ZNF492: variants seen among roughly 807,000 people sequenced by gnomAD.
ZNF492 encodes the protein zinc finger protein 492.
Under a neutral mutation model 6.4 loss-of-function variants are expected in ZNF492, and 3 were observed. That is an observed-to-expected ratio of 0.47 (90% CI 0.21 to 1.22). The LOEUF (loss-of-function observed/expected upper bound fraction) is 1.22, where lower values mean the gene tolerates loss of function less well. Among genes scored for constraint, ZNF492 ranks in the 50% most tolerant of loss-of-function variants. ZNF492 has a pLI of 0.22. For synonymous variants in ZNF492, 112 were observed against 205.3 expected (o/e 0.55, Z 3.89); for missense variants, 356 against 612.5 (o/e 0.58, Z 4.42).
intron 3 of ZNF492, among the ~76,000 whole-genome samples, chr19:22,656,368 G>C (rs1379112256): frequency 2.0e-5 from 3 of 151,432 alleles, no homozygotes; most frequent in Non-Finnish European, 2.9e-5. Context: ...GCAGACGCTA[G>C]GGCAGATTTC....
intron 1 of ZNF492, among the ~76,000 whole-genome samples, chr19:22,645,535 T>C (rs1971869359): frequency 6.6e-6 from 1 of 152,196 alleles, no homozygotes. Flanking sequence ...TTAGCTCTTA[T>C]TTGTCAATTT....
rs760041910 is a variant in ZNF492, at chr19:22,655,813, G to GTTTTTTTT, written c.130+1800_130+1801insTTTTTTTT. On this transcript the variant is annotated intron_variant, in intron 3 of 3. Coordinates refer to ENST00000456783, the MANE Select transcript of ZNF492 (RefSeq NM_020855.3). ...GCAAACACCTCTTCAAGTTTTTCTT[G>GTTTTTTTT]TTGTTTTTTTTTTTTTTTTTTTTTT... Among the ~76,000 whole-genome samples, 34 of 64,892 alleles carry GTTTTTTTT rather than the reference G, an allele frequency of 5.2e-4. 8 individuals carry two copies. The highest frequency in any genetic ancestry group is 1.9e-3 in the African/African-American group (24 of 12,892). 42.6% of individuals were successfully genotyped at this position (64,892 alleles called of 152,430 possible).
intron 1 of ZNF492, among the ~76,000 whole-genome samples, chr19:22,650,248 A>T (rs1037130271): frequency 4.6e-5 from 7 of 151,940 alleles, no homozygotes; most frequent in Admixed American, 2.0e-4. Context: ...GAACCTGGAG[A>T]TATTAAGGAG....
chr19:22,634,355 T>TC lies in ZNF492; in HGVS notation c.-212dup. On this transcript the variant is annotated 5_prime_UTR_variant, in exon 1 of 4. An upstream open reading frame in the 5' UTR loses its in-frame stop. Coordinates refer to ENST00000456783, the MANE Select transcript of ZNF492 (RefSeq NM_020855.3). ...GTCTCTCGCTGCAGTCGGAGTATGG[T>TC]CTAGTGTTCGCTGTTCTGCGTCCTC... The TC allele has an allele frequency of 9.2e-7, 1 of 1,091,512 alleles. No homozygotes were observed. The highest frequency in any genetic ancestry group is 1.3e-6 in the Non-Finnish European group (1 of 741,886). The allele number at this position is 1,091,512 out of a possible 1,614,324, so 67.6% of individuals were successfully genotyped here.
intron 3 of ZNF492, among the ~76,000 whole-genome samples, chr19:22,654,818 T>C (rs1471797330): frequency 6.7e-6 from 1 of 150,276 alleles, no homozygotes; most frequent in Non-Finnish European, 1.5e-5. Flanking sequence ...GCCAGGCTGG[T>C]CTCGAACTCC....
rs1394986698 is a variant in ZNF492, at chr19:22,638,930, C to T, written c.-94+4456C>T. ...CGATTTCGGCTCACTGCAACCTCTG[C>T]CTCCCGGGTTCAAGCAATTCTCTCC... On this transcript the variant is annotated intron_variant, in intron 1 of 3. Coordinates refer to ENST00000456783, the MANE Select transcript of ZNF492 (RefSeq NM_020855.3). Among the ~76,000 whole-genome samples, 5 of 152,060 alleles carry T rather than the reference C, an allele frequency of 3.3e-5. No homozygotes were observed. In the East Asian group the frequency reaches 9.7e-4, roughly 29 times the overall value.
chr19:22,654,078 A>G, intron 3 of ZNF492, 63 bp downstream of exon 3: 3 of 1,476,226 alleles, frequency 2.0e-6, no homozygotes, highest in Non-Finnish European at 2.7e-6. Flanking sequence ...GTAGAAAAAA[A>G]AAAAAGCCAG....
At chr19:22,659,967 A>G (rs1173998693) in intron 3 of ZNF492, among the ~76,000 whole-genome samples, 1 of 152,098 alleles carries the variant, frequency 6.6e-6, no homozygotes, top group Admixed American at 6.6e-5. Context: ...TGCCCAGCCT[A>G]AATCTGTAAG....
At position 22,664,569 on chromosome 19, in the gene ZNF492, G is replaced by C. The variant is rs772220571; in HGVS notation, c.900G>C (p.Lys300Asn). 1.9e-6 allele frequency: 3 copies of C among 1,605,162 alleles called. No individual in the cohort carries two copies. Among genetic ancestry groups the C allele is most frequent in the Admixed American group, 3.4e-5 (2 of 58,456 alleles). ...AGTCCTCAACCCTTACTACACATAA[G>C]ATAATTCATACTGGAGAGAAATTCT... is the stretch of plus-strand genomic sequence containing the variant. Reference protein sequence around the residue: ...FSQSSTLTTHKIIHTGEKFYK... With the variant: ...FSQSSTLTTHNIIHTGEKFYK... Residue 300 changes from lysine (K) to asparagine (N), a missense_variant, in exon 4 of 4, where the codon AAG (lysine) becomes AAC (asparagine). Physicochemically the swap from Lys to Asn is moderately conservative, Grantham distance 94. This residue lies in a region of ZNF492 where 29 missense variants were observed against 56.8 expected (regional missense o/e 0.51). Coordinates refer to ENST00000456783, the MANE Select transcript of ZNF492 (RefSeq NM_020855.3).
At chr19:22,661,072 T>G (rs1298531692) in intron 3 of ZNF492, among the ~76,000 whole-genome samples, 1 of 152,152 alleles carries the variant, frequency 6.6e-6, no homozygotes, top group Non-Finnish European at 1.5e-5. Flanking sequence ...TTGTCTTTGA[T>G]TTTTGAAAAT....
At chr19:22,650,139 T>C (rs1244128226) in intron 1 of ZNF492, among the ~76,000 whole-genome samples, 1 of 152,188 alleles carries the variant, frequency 6.6e-6, no homozygotes, top group Non-Finnish European at 1.5e-5. Context: ...TGTTGTTCAT[T>C]TCTGTTTGTT....
intron 1 of ZNF492, among the ~76,000 whole-genome samples, chr19:22,646,827 T>G (rs1971882039): frequency 6.6e-6 from 1 of 151,770 alleles, no homozygotes; most frequent in South Asian, 2.1e-4. Flanking sequence ...GTTTATTGAT[T>G]TGCATATGTT....
intron 1 of ZNF492, among the ~76,000 whole-genome samples, chr19:22,636,451 C>T (rs1469245516): frequency 2.7e-5 from 4 of 150,280 alleles, no homozygotes; most frequent in African/African-American, 9.9e-5. Context: ...CGTTAGTTTT[C>T]TAAGAATAGT....
At chr19:22,651,106 G>A (rs937461068) in intron 1 of ZNF492, among the ~76,000 whole-genome samples, 8 of 152,038 alleles carry the variant, frequency 5.3e-5, no homozygotes, top group African/African-American at 1.9e-4. Context: ...TGGTTTTGTC[G>A]GCTAAGTAGC....
At chr19:22,661,998 C>CT (rs937857518) in intron 3 of ZNF492, among the ~76,000 whole-genome samples, 1 of 152,116 alleles carries the variant, frequency 6.6e-6, no homozygotes, top group African/African-American at 2.4e-5. Flanking sequence ...TTTCATTATA[C>CT]TTTAAGTCCT....
At position 22,639,065 on chromosome 19, in the gene ZNF492, C is replaced by T. The variant is rs371545109; in HGVS notation, c.-94+4591C>T. ...CCGTGTTGGCCAGGCTGGTCTTCAA[C>T]TCCTGACCTCGTGATCCACCTGCCT... is the stretch of plus-strand genomic sequence containing the variant. On this transcript the variant is annotated intron_variant, in intron 1 of 3. Coordinates refer to ENST00000456783, the MANE Select transcript of ZNF492 (RefSeq NM_020855.3). Among the ~76,000 whole-genome samples, 130 of 152,176 alleles carry T rather than the reference C, an allele frequency of 8.5e-4. 1 individual carries two copies. The highest frequency in any genetic ancestry group is 2.9e-3 in the African/African-American group (120 of 41,554).
chr19:22,657,202 A>C (rs56310711), intron 3 of ZNF492, among the ~76,000 whole-genome samples: 12,019 of 152,170 alleles, frequency 0.079, 1,606 homozygotes, highest in African/African-American at 0.27. Flanking sequence ...AAATATAGAC[A>C]GGCAAAAAAA....
Position 22,653,389 on chromosome 19 carries a change from A to G in ZNF492, c.-11A>G, listed in dbSNP as rs756866232. On this transcript the variant is annotated 5_prime_UTR_variant, in exon 2 of 4. It adds an upstream start codon to the 5' untranslated region. Coordinates refer to ENST00000456783, the MANE Select transcript of ZNF492 (RefSeq NM_020855.3). ...CTGGACACCGCACAGCAGAATTTAT[A>G]TAGGAATGTGATGTTAGAGAACTAC... 1.9e-5 allele frequency: 30 copies of G among 1,613,880 alleles called. No individual in the cohort carries two copies. Among genetic ancestry groups the G allele is most frequent in the Non-Finnish European group, 2.4e-5 (28 of 1,180,026 alleles).
At chr19:22,639,910 AG>A (rs1971809666) in intron 1 of ZNF492, among the ~76,000 whole-genome samples, 1 of 150,838 alleles carries the variant, frequency 6.6e-6, no homozygotes, top group Non-Finnish European at 1.5e-5. Flanking sequence ...TGTTGAGAGG[AG>A]GCATGCTTGT....
Sources: gnomAD v4.1 joint callset for allele counts (sites outside exome capture counted in the v4.1 genomes callset) on GRCh38, gnomAD v4.1.1 for gene constraint, gnomAD v4.1.1 regional missense constraint, MANE v1.5 for transcripts, NCBI Gene and HGNC (gene_info 2026-07-23, HGNC 2026-07-21) for gene names.